The following RNLS variants were observed in gnomAD, a reference collection of about 807,000 sequenced individuals.
RNLS encodes the protein renalase, FAD dependent amine oxidase.
RNLS carries 39 observed loss-of-function variants against 39.8 expected under a neutral mutation model. The ratio of observed to expected loss-of-function variants is 0.98; its 90% confidence interval spans 0.76 to 1.28. RNLS has a LOEUF of 1.28. RNLS is among the 50% of genes most tolerant of loss of function. The probability of loss-of-function intolerance (pLI) is 0.00; values close to 1 mark genes in which losing one functional copy is unlikely to be tolerated. For synonymous variants in RNLS, 147 were observed against 150.7 expected (o/e 0.98, Z 0.18); for missense variants, 410 against 413.3 (o/e 0.99, Z 0.07).
chr10:88,234,504 G>A, the RNLS span, among the ~76,000 whole-genome samples: 3 of 152,178 alleles, frequency 2.0e-5, no homozygotes, highest in Non-Finnish European at 2.9e-5. Context: ...CAGGTGCTTA[G>A]TGTATGTTTG....
Position 88,284,793 on chromosome 10 carries a change from C to T in RNLS, c.*561G>A. The T allele has an allele frequency of 1.0e-6, 1 of 985,128 alleles. No individual in the cohort carries two copies. 61.0% of individuals were successfully genotyped at this position (985,128 alleles called of 1,614,324 possible). On this transcript the variant is annotated 3_prime_UTR_variant, in exon 7 of 7. Coordinates refer to ENST00000331772, the MANE Select transcript of RNLS (RefSeq NM_001031709.3). ...AAGGTCTCTTTATCAGTCAAGTTGC[C>T]CTCCACACTAAGATGATGACATATA...
chr10:88,333,590 G>A (rs1202448238), intron 5 of RNLS, among the ~76,000 whole-genome samples: 2 of 152,120 alleles, frequency 1.3e-5, no homozygotes, highest in Non-Finnish European at 2.9e-5. Context: ...AACATGAATT[G>A]CCATGGTTTA....
intron 5 of RNLS, among the ~76,000 whole-genome samples, chr10:88,321,595 C>G (rs1705996736): frequency 6.6e-6 from 1 of 151,666 alleles, no homozygotes; most frequent in African/African-American, 2.4e-5. Flanking sequence ...TAAGCATAAT[C>G]AAAAAATGAC....
chr10:88,211,152 C>CGTCCCATG, the RNLS span, among the ~76,000 whole-genome samples: 8 of 152,072 alleles, frequency 5.3e-5, no homozygotes, highest in Non-Finnish European at 7.4e-5. Flanking sequence ...TCGATTTCAT[C>CGTCCCATG]GTCCCATGTT....
At chr10:88,562,440 GCA>G (rs1849250593) in intron 4 of RNLS, among the ~76,000 whole-genome samples, 1 of 152,096 alleles carries the variant, frequency 6.6e-6, no homozygotes, top group African/African-American at 2.4e-5. Flanking sequence ...TAGAAGGCAC[GCA>G]CAGTCATCCA....
At chr10:88,250,921 C>G in the RNLS span, among the ~76,000 whole-genome samples, 1 of 152,146 alleles carries the variant, frequency 6.6e-6, no homozygotes, top group African/African-American at 2.4e-5. Context: ...ACACAATAAT[C>G]GAATGAAATA....
At chr10:88,387,482 G>A (rs1851933082) in intron 4 of RNLS, among the ~76,000 whole-genome samples, 1 of 63,954 alleles carries the variant, frequency 1.6e-5, no homozygotes, top group Non-Finnish European at 2.8e-5. Context: ...CACGCAAGAA[G>A]AAAAGCGAGG....
At chr10:88,375,293 T>C (rs1850889384) in intron 4 of RNLS, among the ~76,000 whole-genome samples, 1 of 152,106 alleles carries the variant, frequency 6.6e-6, no homozygotes, top group African/African-American at 2.4e-5. Context: ...AAAAACCACA[T>C]TCTTTTAAAA....
At chr10:88,304,872 T>TC (rs1212439298) in intron 6 of RNLS, among the ~76,000 whole-genome samples, 1 of 151,948 alleles carries the variant, frequency 6.6e-6, no homozygotes, top group Non-Finnish European at 1.5e-5. Context: ...AAGAAGATCA[T>TC]CCCCAAGATA....
At chr10:88,239,324 T>C in the RNLS span, among the ~76,000 whole-genome samples, 54 of 152,214 alleles carry the variant, frequency 3.5e-4, no homozygotes, top group African/African-American at 1.2e-3. Context: ...GCCACTTGGA[T>C]TGGATCAGCA....
the RNLS span, among the ~76,000 whole-genome samples, chr10:88,227,363 A>G: frequency 6.6e-6 from 1 of 152,260 alleles, no homozygotes; most frequent in South Asian, 2.1e-4. Flanking sequence ...ATGCACTATA[A>G]TGAGGTAAAG....
chr10:88,400,381 A>C (rs11202739), intron 4 of RNLS, among the ~76,000 whole-genome samples: 1 of 152,098 alleles, frequency 6.6e-6, no homozygotes, highest in Admixed American at 6.6e-5. Context: ...CACATTGAAC[A>C]TAATGCAATC....
intron 4 of RNLS, among the ~76,000 whole-genome samples, chr10:88,376,900 CTG>C (rs1231634384): frequency 1.3e-5 from 2 of 152,088 alleles, no homozygotes; most frequent in Admixed American, 1.3e-4. Context: ...AAAAGGAAGT[CTG>C]TTTCAATAGT....
the RNLS span, among the ~76,000 whole-genome samples, chr10:88,179,872 G>A: frequency 6.6e-6 from 1 of 152,140 alleles, no homozygotes; most frequent in Admixed American, 6.5e-5. Flanking sequence ...TAATCCCCAG[G>A]GTGGAGGTGA....
intron 5 of RNLS, among the ~76,000 whole-genome samples, chr10:88,342,597 A>G (rs1848029966): frequency 6.6e-6 from 1 of 152,232 alleles, no homozygotes; most frequent in Non-Finnish European, 1.5e-5. Flanking sequence ...CAGGCATTAA[A>G]CACATAATCA....
At chr10:88,565,656 G>A (rs1849449529) in intron 4 of RNLS, among the ~76,000 whole-genome samples, 5 of 150,816 alleles carry the variant, frequency 3.3e-5, no homozygotes. Flanking sequence ...CCTACATATG[G>A]CACAATACTC....
At chr10:88,218,535 G>C in the RNLS span, among the ~76,000 whole-genome samples, 1 of 152,146 alleles carries the variant, frequency 6.6e-6, no homozygotes, top group African/African-American at 2.4e-5. Flanking sequence ...ATTTGTCCTT[G>C]GGACAGCTTG....
the RNLS span, among the ~76,000 whole-genome samples, chr10:88,233,656 G>C: frequency 1.3e-5 from 2 of 152,232 alleles, no homozygotes; most frequent in African/African-American, 4.8e-5. Context: ...AATTCAAATG[G>C]GTGTCCTGTA....
chr10:88,222,816 A>G, the RNLS span, among the ~76,000 whole-genome samples: 1 of 152,238 alleles, frequency 6.6e-6, no homozygotes, highest in Non-Finnish European at 1.5e-5. Context: ...GTTTGGATTC[A>G]TCTGCTGCTG....
Sources: allele counts gnomAD v4.1 joint callset (sites outside exome capture counted in the v4.1 genomes callset), GRCh38; gene constraint gnomAD v4.1.1; transcripts MANE v1.5; gene names NCBI Gene and HGNC (gene_info 2026-07-23, HGNC 2026-07-21).